The following CEP112 variants were observed in gnomAD, a reference collection of about 807,000 sequenced individuals.
The protein encoded by CEP112 is centrosomal protein 112.
In CEP112, 127 loss-of-function variants were observed where a neutral mutation model predicts 153.0. The ratio of observed to expected loss-of-function variants is 0.83; its 90% CI spans 0.72 to 0.96. CEP112 has a LOEUF of 0.96. CEP112 is among the 40% of genes least tolerant of loss of function. CEP112 has a pLI of 0.00. For synonymous variants in CEP112, 358 were observed against 374.4 expected, an observed-to-expected ratio of 0.96 and a Z score of 0.51; for missense variants, 1,089 against 1,101.2, an observed-to-expected ratio of 0.99 and a Z score of 0.16.
chr17:65,903,694 C>T (rs144542286), intron 19 of CEP112, among the ~76,000 whole-genome samples: 98 of 152,246 alleles, frequency 6.4e-4, no homozygotes, highest in African/African-American at 2.2e-3. Context: ...CCCTGATGAA[C>T]ATCGATGCAA....
intron 21 of CEP112, among the ~76,000 whole-genome samples, chr17:65,767,724 T>C (rs769940028): frequency 2.0e-5 from 3 of 151,920 alleles, no homozygotes; most frequent in Non-Finnish European, 4.4e-5. Flanking sequence ...ACAAAATAGA[T>C]CATAAGGAAC....
chr17:66,066,294 T>A (rs1300599588), intron 10 of CEP112, among the ~76,000 whole-genome samples: 2 of 152,144 alleles, frequency 1.3e-5, no homozygotes, highest in East Asian at 3.9e-4. Flanking sequence ...AGGAAATACA[T>A]TTTAATTTTT....
chr17:65,809,294 G>A (rs2055810129), intron 21 of CEP112, among the ~76,000 whole-genome samples: 1 of 152,192 alleles, frequency 6.6e-6, no homozygotes, highest in Admixed American at 6.5e-5. Flanking sequence ...AGATGGGCAG[G>A]GGCCAGATTT....
chr17:66,037,584 C>T (rs1343728411), intron 12 of CEP112, among the ~76,000 whole-genome samples: 1 of 137,616 alleles, frequency 7.3e-6, no homozygotes, highest in Admixed American at 7.0e-5. Context: ...TTTATCATGA[C>T]TTCCATAGGA....
At chr17:65,638,647 C>A (rs62065696) in intron 25 of CEP112, among the ~76,000 whole-genome samples, 3 of 152,160 alleles carry the variant, frequency 2.0e-5, no homozygotes, top group South Asian at 2.1e-4. Context: ...TTCAACTTCC[C>A]TCCCCCAACC....
intron 8 of CEP112, among the ~76,000 whole-genome samples, chr17:66,084,827 T>C (rs1442900914): frequency 6.6e-6 from 1 of 152,180 alleles, no homozygotes; most frequent in Non-Finnish European, 1.5e-5. Context: ...AGATTGTTTG[T>C]AACACAAAGG....
At chr17:65,979,242 A>T (rs1443587671) in intron 17 of CEP112, among the ~76,000 whole-genome samples, 1 of 148,414 alleles carries the variant, frequency 6.7e-6, no homozygotes, top group Non-Finnish European at 1.5e-5. Context: ...AATTTTATTT[A>T]TTTATTTATT....
At chr17:65,724,880 C>T (rs1160698490) in intron 23 of CEP112, among the ~76,000 whole-genome samples, 1 of 152,136 alleles carries the variant, frequency 6.6e-6, no homozygotes, top group African/African-American at 2.4e-5. Flanking sequence ...CACAGCCCCT[C>T]CTGCTGCCCC....
At chr17:66,064,476 T>C (rs900447973) in intron 10 of CEP112, among the ~76,000 whole-genome samples, 4 of 152,222 alleles carry the variant, frequency 2.6e-5, no homozygotes, top group African/African-American at 7.2e-5. Context: ...GTAAAATAAA[T>C]TCAGCTCTAT....
intron 20 of CEP112, chr17:65,873,671 T>C (rs1374854513): frequency 6.6e-6 from 1 of 152,220 alleles, no homozygotes; most frequent in Non-Finnish European, 1.5e-5. Flanking sequence ...CATGTTGCCA[T>C]GGATACAGAC....
intron 6 of CEP112, among the ~76,000 whole-genome samples, 195 bp downstream of exon 6, chr17:66,129,551 T>C (rs2070028696): frequency 6.6e-6 from 1 of 152,216 alleles, no homozygotes; most frequent in Non-Finnish European, 1.5e-5. Context: ...AGTTAGCTTG[T>C]TGGGGACAGG....
chr17:65,774,121 C>T (rs976655907), intron 21 of CEP112, among the ~76,000 whole-genome samples: 3 of 149,284 alleles, frequency 2.0e-5, no homozygotes, highest in Admixed American at 6.7e-5. Context: ...TGGATTTAAA[C>T]GATAACCAGG....
chr17:66,156,047 G>C (rs2071424959), intron 4 of CEP112, among the ~76,000 whole-genome samples: 1 of 152,178 alleles, frequency 6.6e-6, no homozygotes. Flanking sequence ...GGGACAGGCT[G>C]CCTCCTCAAG....
At chr17:65,858,931 ACCTCATCCCCAC>A (rs2058212362) in intron 20 of CEP112, among the ~76,000 whole-genome samples, 2 of 152,192 alleles carry the variant, frequency 1.3e-5, no homozygotes, top group South Asian at 4.1e-4. Context: ...ATCAATAACC[ACCTCATCCCCAC>A]CCAAAATAGT....
intron 12 of CEP112, among the ~76,000 whole-genome samples, chr17:66,040,750 A>G (rs1019805155): frequency 2.0e-5 from 3 of 152,196 alleles, no homozygotes. Context: ...TTGGCCTTCC[A>G]AAGTGCTGGG....
chr17:65,919,468 C>T (rs760219307), intron 19 of CEP112, among the ~76,000 whole-genome samples: 4 of 152,092 alleles, frequency 2.6e-5, no homozygotes, highest in Non-Finnish European at 5.9e-5. Context: ...AAAAGTAAAA[C>T]AAAATAATAG....
chr17:65,855,652 G>A (rs1001607095), intron 20 of CEP112, among the ~76,000 whole-genome samples: 3 of 152,138 alleles, frequency 2.0e-5, no homozygotes, highest in African/African-American at 7.2e-5. Flanking sequence ...AGGGGAAAAT[G>A]GGCTCCCTGG....
rs561694891 is a variant in CEP112, at chr17:65,863,797, A to G, written c.2164-11763T>C. ...GAAACAAAATGGTAGAAGACAGACT[A>G]TTAGGAGGTTTTAATTCAGCACAGT... On this transcript the variant is annotated intron_variant, in intron 20 of 26. Transcript: ENST00000535342. Among the ~76,000 whole-genome samples, 9 of 151,050 alleles carry G rather than the reference A, an allele frequency of 6.0e-5. No homozygotes were observed. In the South Asian group the frequency reaches 1.9e-3, roughly 32 times the overall value.
chr17:66,014,437 A>G (rs1209481545), intron 16 of CEP112, among the ~76,000 whole-genome samples: 1 of 152,178 alleles, frequency 6.6e-6, no homozygotes, highest in Non-Finnish European at 1.5e-5. Flanking sequence ...AGGTTCAACA[A>G]TTCTTTTAAG....
Sources: allele counts gnomAD v4.1 joint callset (sites outside exome capture counted in the v4.1 genomes callset), GRCh38; gene constraint gnomAD v4.1.1; transcripts MANE v1.5; gene names NCBI Gene and HGNC (gene_info 2026-07-23, HGNC 2026-07-21).